The following GABRA4 variants were observed in gnomAD, a reference collection of about 807,000 sequenced individuals.
GABRA4 encodes gamma-aminobutyric acid type A receptor subunit alpha4, also known as gamma-aminobutyric acid receptor subunit alpha-4.
GABRA4 carries 12 observed loss-of-function variants against 49.7 expected under a neutral mutation model. That is an observed-to-expected ratio of 0.24 (90% CI 0.15 to 0.39). The LOEUF is 0.39. GABRA4 is among the 10% of genes least tolerant of loss of function. GABRA4 has a pLI of 1.00. For synonymous variants in GABRA4, 288 were observed against 240.2 expected (o/e 1.20, Z -1.84); for missense variants, 506 against 686.0 (o/e 0.74, Z 2.93).
At chr4:46,938,374 G>A (rs553027668) in intron 8 of GABRA4, among the ~76,000 whole-genome samples, 8 of 152,204 alleles carry the variant, frequency 5.3e-5, no homozygotes, top group Admixed American at 1.3e-4. Flanking sequence ...TAGGAGGCTC[G>A]CATAGCAAGT....
chr4:46,972,551 A>C (rs1451274372), intron 6 of GABRA4, among the ~76,000 whole-genome samples: 1 of 151,576 alleles, frequency 6.6e-6, no homozygotes, highest in Non-Finnish European at 1.5e-5. Context: ...CTATGCCACA[A>C]ATATATACAT....
chr4:46,953,674 T>C (rs1293071381), intron 8 of GABRA4, among the ~76,000 whole-genome samples: 1 of 152,128 alleles, frequency 6.6e-6, no homozygotes, highest in Admixed American at 6.5e-5. Context: ...ATCTAAAAAA[T>C]GTGATTAATT....
At chr4:46,988,234 G>C (rs1168916231) in intron 2 of GABRA4, among the ~76,000 whole-genome samples, 2 of 152,118 alleles carry the variant, frequency 1.3e-5, no homozygotes, top group East Asian at 3.9e-4. Flanking sequence ...TTATCTCATA[G>C]CATTTTCATG....
intron 2 of GABRA4, among the ~76,000 whole-genome samples, chr4:46,981,657 A>AG (rs1431659224): frequency 6.6e-6 from 1 of 152,094 alleles, no homozygotes; most frequent in Non-Finnish European, 1.5e-5. Flanking sequence ...TGACTCAAAG[A>AG]GCTAAGGTGC....
intron 8 of GABRA4, among the ~76,000 whole-genome samples, chr4:46,942,640 A>T (rs1157810486): frequency 1.3e-5 from 2 of 151,810 alleles, no homozygotes; most frequent in East Asian, 3.9e-4. Flanking sequence ...AAAAAAAAAA[A>T]AAAATTATGT....
rs898538190 is a variant in GABRA4 at position 46,919,864 on chromosome 4, C to T, written c.*8361G>A. On this transcript the variant is annotated 3_prime_UTR_variant, in exon 9 of 9. Transcript: ENST00000264318. ...AAACTACAGACATTCAAAGTATTATCGCATAGATACACCTTTGCATGAAAA... is the reference window on the plus strand; with the variant it reads ...AAACTACAGACATTCAAAGTATTATTGCATAGATACACCTTTGCATGAAAA... 6.6e-6 allele frequency: 1 copy of T among 151,618 alleles called. No individual in the cohort carries two copies. 9.4% of individuals were successfully genotyped at this position (151,618 alleles called of 1,614,324 possible).
intron 8 of GABRA4, among the ~76,000 whole-genome samples, chr4:46,951,899 A>T (rs1311856597): frequency 1.3e-5 from 2 of 151,938 alleles, no homozygotes; most frequent in African/African-American, 4.8e-5. Flanking sequence ...GGAGGCAAAA[A>T]TAGAGTGCCC....
chr4:46,934,887 G>A (rs1187579529), intron 8 of GABRA4, among the ~76,000 whole-genome samples: 1 of 152,128 alleles, frequency 6.6e-6, no homozygotes, highest in Non-Finnish European at 1.5e-5. Context: ...AAGCAAACTT[G>A]TTCAAATGCT....
intron 7 of GABRA4, among the ~76,000 whole-genome samples, chr4:46,968,944 G>A (rs1001113033): frequency 6.6e-6 from 1 of 151,616 alleles, no homozygotes; most frequent in Non-Finnish European, 1.5e-5. Flanking sequence ...CAGCAGCATG[G>A]AATGCCATAC....
At chr4:46,953,152 CA>C (rs1452433136) in intron 8 of GABRA4, among the ~76,000 whole-genome samples, 7 of 152,102 alleles carry the variant, frequency 4.6e-5, no homozygotes, top group Admixed American at 1.3e-4. Context: ...ATAAACATTA[CA>C]AACCAACTCA....
chr4:46,976,852 A>C (rs1229838356), intron 5 of GABRA4, among the ~76,000 whole-genome samples: 1 of 151,894 alleles, frequency 6.6e-6, no homozygotes, highest in Admixed American at 6.6e-5. Flanking sequence ...TATCTGTATA[A>C]ATAGGTTTTT....
intron 8 of GABRA4, among the ~76,000 whole-genome samples, chr4:46,951,618 A>C (rs1722174376): frequency 1.3e-5 from 2 of 151,860 alleles, no homozygotes; most frequent in African/African-American, 4.8e-5. Flanking sequence ...AGTGCCAGGG[A>C]CCTAGACAAA....
At chr4:46,980,296 A>C (rs561500090) in intron 2 of GABRA4, among the ~76,000 whole-genome samples, 1 of 151,726 alleles carries the variant, frequency 6.6e-6, no homozygotes, top group Non-Finnish European at 1.5e-5. Context: ...ATATTCCGTA[A>C]CTGGGAAGAA....
chr4:46,993,271 A>T, intron 1 of GABRA4, 68 bp downstream of exon 1: 1 of 1,378,028 alleles, frequency 7.3e-7, no homozygotes, highest in East Asian at 2.3e-5. Flanking sequence ...CGAGTGGCCA[A>T]AGGGGTCCCG....
At chr4:46,982,886 A>T (rs181606373) in intron 2 of GABRA4, among the ~76,000 whole-genome samples, 4 of 152,190 alleles carry the variant, frequency 2.6e-5, no homozygotes, top group African/African-American at 9.6e-5. Flanking sequence ...GGCAGTGGGG[A>T]TGAAGACTGG....
rs1281809184 is a variant in GABRA4, at chr4:46,923,664, T to C, written c.*4561A>G. On this transcript the variant is annotated 3_prime_UTR_variant, in exon 9 of 9. Transcript: ENST00000264318. ...CTCAACTGTTCCACTACCTCTAGATTTGTGGCCCTCCAAACCATAGTTCAC... is the reference window on the plus strand; with the variant it reads ...CTCAACTGTTCCACTACCTCTAGATCTGTGGCCCTCCAAACCATAGTTCAC... The C allele has an allele frequency of 2.6e-5, 4 of 152,122 alleles. No individual in the cohort carries two copies. In the East Asian group the frequency reaches 5.8e-4, roughly 22 times the overall value. The allele number at this position is 152,122 out of a possible 1,614,324, so 9.4% of individuals were successfully genotyped here.
chr4:46,928,523 G>A lies in GABRA4; in HGVS notation c.1367C>T (p.Pro456Leu), dbSNP rs764386899. Residue 456 changes from proline (P) to leucine (L), a missense_variant, in exon 9 of 9, where the codon CCT (proline) becomes CTT (leucine). By Grantham distance (98) the Pro-to-Leu change is moderately conservative. This residue lies in a region of GABRA4 where 243 missense variants were observed against 210.8 expected (regional missense o/e 1.15). Transcript: ENST00000264318. Reference sequence around the variant, plus strand: ...CATATATCCAGTTCGGATAGAAGTAGGAGAAGCAGATGGAAGTGCTCTTGC... The same window carrying A: ...CATATATCCAGTTCGGATAGAAGTAAGAGAAGCAGATGGAAGTGCTCTTGC... Reference protein sequence around the residue: ...SAARALPSASPTSIRTGYMPR... With the variant: ...SAARALPSASLTSIRTGYMPR... 7.4e-6 allele frequency: 12 copies of A among 1,613,556 alleles called. No individual in the cohort carries two copies. Among genetic ancestry groups the A allele is most frequent in the Non-Finnish European group, 1.0e-5 (12 of 1,179,736 alleles).
intron 8 of GABRA4, among the ~76,000 whole-genome samples, chr4:46,953,829 A>G (rs1343328590): frequency 1.3e-5 from 2 of 152,116 alleles, no homozygotes; most frequent in Non-Finnish European, 2.9e-5. Flanking sequence ...ATAGTTGGGG[A>G]GTAAGTATGG....
intron 8 of GABRA4, among the ~76,000 whole-genome samples, chr4:46,952,544 T>C (rs1722207760): frequency 6.6e-6 from 1 of 152,118 alleles, no homozygotes; most frequent in African/African-American, 2.4e-5. Flanking sequence ...CTGATGTTTC[T>C]TGAAACTTCT....
Sources: allele counts gnomAD v4.1 joint callset (sites outside exome capture counted in the v4.1 genomes callset), GRCh38; gene constraint gnomAD v4.1.1; regional missense constraint gnomAD v4.1.1; transcripts MANE v1.5; gene names NCBI Gene and HGNC (gene_info 2026-07-23, HGNC 2026-07-21).